RAX2: variants seen among roughly 807,000 people sequenced by gnomAD.
RAX2 encodes retina and anterior neural fold homeobox 2.
RAX2 carries 4 observed loss-of-function variants against 5.8 expected under a neutral mutation model. The observed-to-expected ratio is 0.69, with a 90% CI of 0.34 to 1.58. The LOEUF is 1.58. Among genes scored for constraint, RAX2 ranks in the 40% most tolerant of loss-of-function variants. The probability of loss-of-function intolerance (pLI) is 0.05; values close to 1 mark genes in which losing one functional copy is unlikely to be tolerated. For synonymous variants in RAX2, 133 were observed against 128.8 expected (o/e 1.03, Z -0.22); for missense variants, 275 against 271.4 (o/e 1.01, Z -0.09).
At position 3,769,469 on chromosome 19, in the gene RAX2, G is replaced by A. The variant is rs1413091180; in HGVS notation, c.*1152C>T. On this transcript the variant is annotated 3_prime_UTR_variant, in exon 3 of 3. Coordinates refer to ENST00000555633, the MANE Select transcript of RAX2 (RefSeq NM_001319074.4). Reference sequence around the variant, plus strand: ...CTGGTGTGCGGTGACATTGGGTGATGGCGGGGCGTTGGACCACAGGACTGG... The same window carrying A: ...CTGGTGTGCGGTGACATTGGGTGATAGCGGGGCGTTGGACCACAGGACTGG... 6.6e-6 allele frequency: 1 copy of A among 152,544 alleles called. No individual in the cohort carries two copies. Among genetic ancestry groups the A allele is most frequent in the Non-Finnish European group, 1.5e-5 (1 of 68,270 alleles). The allele number at this position is 152,544 out of a possible 1,614,324, so 9.4% of individuals were successfully genotyped here. A position where few individuals can be genotyped will look rare whatever the true frequency, so the allele number is the denominator to read the frequency against.
rs1349513777 is a variant in RAX2, at chr19:3,770,995, G to A, written c.217-36C>T. 6 of 1,469,478 alleles carry A rather than the reference G, an allele frequency of 4.1e-6. No individual in the cohort carries two copies. In the East Asian group the frequency reaches 1.5e-4, roughly 36 times the overall value. The allele number at this position is 1,469,478 out of a possible 1,614,324, so 91.0% of individuals were successfully genotyped here. Reference sequence around the variant, plus strand: ...CGAGAGGGAAGGGGGGTTGCTGTGAGCTCAGCCGCTCCCCGCCAATCCTCG... The same window carrying A: ...CGAGAGGGAAGGGGGGTTGCTGTGAACTCAGCCGCTCCCCGCCAATCCTCG... On this transcript the variant is annotated intron_variant, in intron 2 of 2. Transcript: ENST00000555633.
At position 3,772,163 on chromosome 19, in the gene RAX2, C is replaced by A. The variant is rs981516220; in HGVS notation, c.-269G>T. 1 of 461,486 alleles carries A rather than the reference C, an allele frequency of 2.2e-6. No homozygotes were observed. Among genetic ancestry groups the A allele is most frequent in the East Asian group, 6.7e-5 (1 of 14,884 alleles). The allele number at this position is 461,486 out of a possible 1,614,324, so 28.6% of individuals were successfully genotyped here. On this transcript the variant is annotated splice_region_variant and 5_prime_UTR_variant, in exon 1 of 3. Transcript: ENST00000555633. ...CCACCAGTGCCCACCCCGCACTCAC[C>A]GCCCACGGCAGCCCCTCCGTCGATT...
In RAX2 at chr19:3,771,709, C is replaced by T. The variant is rs538785333; in HGVS notation, c.34G>A (p.Glu12Lys). The T allele has an allele frequency of 1.3e-5, 21 of 1,609,836 alleles. No individual in the cohort carries two copies. The highest frequency in any genetic ancestry group is 3.3e-5 in the Admixed American group (2 of 59,906). ...TCGCCCGGCCCCAGACCCCCACCCT[C>T]GGTTGCCGGCCCCTCGCCCGGGCTC... The part of the protein sequence containing the change: ...FLSPGEGPAT[E>K]GGGLGPGEEA... Residue 12 changes from glutamate to lysine, a missense_variant, in exon 2 of 3, where the codon GAG becomes AAG. Glu to Lys is a moderately conservative substitution (Grantham distance 56). Transcript: ENST00000555633. This position sits in a 1 kb window ranked among gnomAD's most constrained non-coding sequence, Gnocchi z 4.2.
At position 3,770,940 on chromosome 19, in the gene RAX2, C is replaced by T. The variant is rs779301810; in HGVS notation, c.236G>A (p.Arg79Gln). The change falls in exon 3 of 3, where the codon CGG (arginine) becomes CAG (glutamine). Residue 79 changes from arginine (R) to glutamine (Q), a missense_variant. By Grantham distance (43) the Arg-to-Gln change is conservative (BLOSUM62 1). Coordinates refer to ENST00000555633, the MANE Select transcript of RAX2 (RefSeq NM_001319074.4). ...VRVQVWFQNRRAKWRRQERLE... is the reference protein window; with the variant it reads ...VRVQVWFQNRQAKWRRQERLE... ...CCGCTCCTGGCGGCGCCACTTGGCC[C>T]GGCGGTTCTGGAACCACACCTGGAG... is the stretch of plus-strand genomic sequence containing the variant. The T allele has an allele frequency of 4.5e-5, 71 of 1,562,120 alleles. No individual in the cohort carries two copies. The highest frequency in any genetic ancestry group is 4.8e-5 in the Non-Finnish European group (56 of 1,161,348).
Position 3,770,842 on chromosome 19 carries a change from G to T in RAX2, c.334C>A (p.Pro112Thr), listed in dbSNP as rs770022976. ...EAPALPFARPPAMSLPLEPWL... is the reference protein window; with the variant it reads ...EAPALPFARPTAMSLPLEPWL... ...GGCTCCAGGGGCAGCGACATGGCCG[G>T]GGGGCGGGCGAACGGCAGCGCTGGG... The change falls in exon 3 of 3, where the codon CCG becomes ACG. Residue 112 changes from proline to threonine, a missense_variant. Physicochemically the swap from Pro to Thr is conservative, Grantham distance 38 (BLOSUM62 -1). Coordinates refer to ENST00000555633, the MANE Select transcript of RAX2 (RefSeq NM_001319074.4). 34 of 1,527,702 alleles carry T rather than the reference G, an allele frequency of 2.2e-5. No individual in the cohort carries two copies. The highest frequency in any genetic ancestry group is 2.7e-5 in the Non-Finnish European group (31 of 1,142,890). The allele number at this position is 1,527,702 out of a possible 1,614,324, so 94.6% of individuals were successfully genotyped here. A position where few individuals can be genotyped will look rare whatever the true frequency, so the allele number is the denominator to read the frequency against.
In RAX2 at chr19:3,772,017, GT is replaced by G; in HGVS notation, c.-268-8del. ...TCTCTGTGACTGTCACGGCCTGTGT[GT>G]GTGTGTGTCGGCGGGGGGGGGTCAA... is the stretch of plus-strand genomic sequence containing the variant. On this transcript the variant is annotated splice_polypyrimidine_tract_variant and splice_region_variant and intron_variant, in intron 1 of 2. Coordinates refer to ENST00000555633, the MANE Select transcript of RAX2 (RefSeq NM_001319074.4). 1 of 552,192 alleles carries G rather than the reference GT, an allele frequency of 1.8e-6. No homozygotes were observed. The highest frequency in any genetic ancestry group is 2.0e-5 in the South Asian group (1 of 51,096). The allele number at this position is 552,192 out of a possible 1,614,324, so 34.2% of individuals were successfully genotyped here. A position where few individuals can be genotyped will look rare whatever the true frequency, so the allele number is the denominator to read the frequency against.
chr19:3,770,438 A>G lies in RAX2; in HGVS notation c.*183T>C, dbSNP rs1599185384. The stretch of plus-strand genomic sequence containing the variant: ...GCAGGACGGGTGGCGATGGGGTGGG[A>G]GACGGGATGGGGGCAGGGAACCCAG... On this transcript the variant is annotated 3_prime_UTR_variant, in exon 3 of 3. Transcript: ENST00000555633. 6.9e-6 allele frequency: 4 copies of G among 578,864 alleles called. No individual in the cohort carries two copies. The highest frequency in any genetic ancestry group is 9.0e-6 in the Non-Finnish European group (3 of 334,628). The allele number at this position is 578,864 out of a possible 1,614,324, so 35.9% of individuals were successfully genotyped here.
Position 3,770,527 on chromosome 19 carries a change from G to T in RAX2, c.*94C>A. On this transcript the variant is annotated 3_prime_UTR_variant, in exon 3 of 3. Transcript: ENST00000555633. ...CCTGGCCTGACCACGGTTGCTCCAT[G>T]ACCTCGGCCTAGGCCAAGGCGTGGT... 2.5e-6 allele frequency: 3 copies of T among 1,184,728 alleles called. No homozygotes were observed. The highest frequency in any genetic ancestry group is 3.5e-6 in the Non-Finnish European group (3 of 850,966). The allele number at this position is 1,184,728 out of a possible 1,614,324, so 73.4% of individuals were successfully genotyped here. A position where few individuals can be genotyped will look rare whatever the true frequency, so the allele number is the denominator to read the frequency against.
At position 3,770,936 on chromosome 19, in the gene RAX2, G is replaced by T; in HGVS notation, c.240C>A (p.Ala80=). Reference sequence around the variant, plus strand: ...CCAGCCGCTCCTGGCGGCGCCACTTGGCCCGGCGGTTCTGGAACCACACCT... The same window carrying T: ...CCAGCCGCTCCTGGCGGCGCCACTTTGCCCGGCGGTTCTGGAACCACACCT... The part of the protein sequence containing the change: ...RVQVWFQNRR[A]KWRRQERLES... The change falls in exon 3 of 3, where the codon GCC becomes GCA. Residue 80 remains alanine, a synonymous_variant. Transcript: ENST00000555633. 1 of 1,562,670 alleles carries T rather than the reference G, an allele frequency of 6.4e-7. No individual in the cohort carries two copies. Among genetic ancestry groups the T allele is most frequent in the East Asian group, 2.3e-5 (1 of 43,378 alleles).
rs147235958 is a variant in RAX2, at chr19:3,770,174, G to A, written c.*447C>T. 1.2e-4 allele frequency: 21 copies of A among 174,258 alleles called. No homozygotes were observed. Among genetic ancestry groups the A allele is most frequent in the African/African-American group, 4.5e-4 (19 of 42,058 alleles). The allele number at this position is 174,258 out of a possible 1,614,324, so 10.8% of individuals were successfully genotyped here. A position where few individuals can be genotyped will look rare whatever the true frequency, so the allele number is the denominator to read the frequency against. The stretch of plus-strand genomic sequence containing the variant: ...GCTATTTGTTATTTCCAGGGGACTG[G>A]GAGCCTGGAGAGTGGGCAGCTCTGC... On this transcript the variant is annotated 3_prime_UTR_variant, in exon 3 of 3. Transcript: ENST00000555633.
At position 3,772,164 on chromosome 19, in the gene RAX2, G is replaced by A. The variant is rs776666200; in HGVS notation, c.-270C>T. The stretch of plus-strand genomic sequence containing the variant: ...CACCAGTGCCCACCCCGCACTCACC[G>A]CCCACGGCAGCCCCTCCGTCGATTT... On this transcript the variant is annotated splice_region_variant and 5_prime_UTR_variant, in exon 1 of 3. Coordinates refer to ENST00000555633, the MANE Select transcript of RAX2 (RefSeq NM_001319074.4). The A allele has an allele frequency of 2.6e-3, 1,194 of 458,250 alleles. 6 individuals are homozygous for A. Among genetic ancestry groups the A allele is most frequent in the Non-Finnish European group, 3.4e-3 (784 of 230,444 alleles). The allele number at this position is 458,250 out of a possible 1,614,324, so 28.4% of individuals were successfully genotyped here.
In RAX2 at chr19:3,770,583, G is replaced by A. The variant is rs1026466064; in HGVS notation, c.*38C>T. 1.1e-5 allele frequency: 17 copies of A among 1,514,982 alleles called. No homozygotes were observed. The highest frequency in any genetic ancestry group is 2.3e-4 in the Middle Eastern group (1 of 4,390). The allele number at this position is 1,514,982 out of a possible 1,614,324, so 93.8% of individuals were successfully genotyped here. ...TCACCAGGGCACGTCCCCGGTTCTC[G>A]GGTTGGGCCGAGGAGGGGGCCCGGG... On this transcript the variant is annotated 3_prime_UTR_variant, in exon 3 of 3. Coordinates refer to ENST00000555633, the MANE Select transcript of RAX2 (RefSeq NM_001319074.4).
In RAX2 at chr19:3,770,415, AGGACGGGT is replaced by A; in HGVS notation, c.*198_*205del. The A allele has an allele frequency of 1.8e-6, 1 of 560,726 alleles. No individual in the cohort carries two copies. The highest frequency in any genetic ancestry group is 2.2e-5 in the South Asian group (1 of 44,986). The allele number at this position is 560,726 out of a possible 1,614,324, so 34.7% of individuals were successfully genotyped here. A position where few individuals can be genotyped will look rare whatever the true frequency, so the allele number is the denominator to read the frequency against. On this transcript the variant is annotated 3_prime_UTR_variant, in exon 3 of 3. Transcript: ENST00000555633. ...CACTGGGGGCCAGTCCGCTGCCAGC[AGGACGGGT>A]GGCGATGGGGTGGGAGACGGGATGG...
In RAX2 at chr19:3,769,288, G is replaced by A. The variant is rs1397971978; in HGVS notation, c.*1333C>T. The A allele has an allele frequency of 6.6e-6, 1 of 152,160 alleles. No individual in the cohort carries two copies. Among genetic ancestry groups the A allele is most frequent in the East Asian group, 1.9e-4 (1 of 5,188 alleles). 9.4% of individuals were successfully genotyped at this position (152,160 alleles called of 1,614,324 possible). A position where few individuals can be genotyped will look rare whatever the true frequency, so the allele number is the denominator to read the frequency against. ...GGCACATTTTAAAAACGTTTGTGGAGATGGGGTCTTGCTGTGTCACCCAGG... is the reference window on the plus strand; with the variant it reads ...GGCACATTTTAAAAACGTTTGTGGAAATGGGGTCTTGCTGTGTCACCCAGG... On this transcript the variant is annotated 3_prime_UTR_variant, in exon 3 of 3. Coordinates refer to ENST00000555633, the MANE Select transcript of RAX2 (RefSeq NM_001319074.4).
Position 3,771,055 on chromosome 19 carries a change from G to T in RAX2, c.217-96C>A. ...TGCACACCCCAGCCCTGGGGGTTCT[G>T]ACTCCCGTCTGACCCGACTCCTACC... is the stretch of plus-strand genomic sequence containing the variant. On this transcript the variant is annotated intron_variant, in intron 2 of 2. Transcript: ENST00000555633. The surrounding 1 kb of genome is among the most constrained non-coding windows in gnomAD (Gnocchi z 4.2). 2 of 963,552 alleles carry T rather than the reference G, an allele frequency of 2.1e-6. No individual in the cohort carries two copies. Among genetic ancestry groups the T allele is most frequent in the South Asian group, 1.4e-5 (1 of 71,752 alleles). 59.7% of individuals were successfully genotyped at this position (963,552 alleles called of 1,614,324 possible).
chr19:3,771,909 C>A lies in RAX2; in HGVS notation c.-167G>T, dbSNP rs546385357. 18 of 1,338,252 alleles carry A rather than the reference C, an allele frequency of 1.3e-5. No individual in the cohort carries two copies. In the East Asian group the frequency reaches 4.3e-4, roughly 32 times the overall value. 82.9% of individuals were successfully genotyped at this position (1,338,252 alleles called of 1,614,324 possible). A position where few individuals can be genotyped will look rare whatever the true frequency, so the allele number is the denominator to read the frequency against. ...CTCTGCATCCCCAGGCTGTCCTCCT[C>A]GGGCTTGGGGGGGTCTCCTGCTGTG... On this transcript the variant is annotated 5_prime_UTR_variant, in exon 2 of 3. Transcript: ENST00000555633. The surrounding 1 kb of genome is among the most constrained non-coding windows in gnomAD (Gnocchi z 4.2).
Position 3,771,011 on chromosome 19 carries a change from C to T in RAX2, c.217-52G>A. On this transcript the variant is annotated intron_variant, in intron 2 of 2. Transcript: ENST00000555633. This position sits in a 1 kb window ranked among gnomAD's most constrained non-coding sequence, Gnocchi z 4.2. ...TTGCTGTGAGCTCAGCCGCTCCCCG[C>T]CAATCCTCGGACCCCCTCTGCACAC... 7.1e-7 allele frequency: 1 copy of T among 1,409,778 alleles called. No individual in the cohort carries two copies. The highest frequency in any genetic ancestry group is 9.7e-7 in the Non-Finnish European group (1 of 1,033,686). 87.3% of individuals were successfully genotyped at this position (1,409,778 alleles called of 1,614,324 possible).
At position 3,770,759 on chromosome 19, in the gene RAX2, GC is replaced by G. The variant is rs1328132335; in HGVS notation, c.416del (p.Gly139AlafsTer75). The G allele has an allele frequency of 5.2e-6, 8 of 1,529,864 alleles. No individual in the cohort carries two copies. The highest frequency in any genetic ancestry group is 7.0e-6 in the Non-Finnish European group (8 of 1,144,172). The allele number at this position is 1,529,864 out of a possible 1,614,324, so 94.8% of individuals were successfully genotyped here. The part of the protein sequence containing the change: ...VPGLPRLLGP[G>X]PGLQASFGPH... ...GCCCGAAGGACGCTTGCAGCCCCGG[GC>G]CCGGGCCCAGGAGGCGGGGGAGGCC... On this transcript the variant is annotated frameshift_variant, in exon 3 of 3. Coordinates refer to ENST00000555633, the MANE Select transcript of RAX2 (RefSeq NM_001319074.4). LOFTEE classifies it low-confidence loss of function (END_TRUNC).
chr19:3,770,252 G>A lies in RAX2; in HGVS notation c.*369C>T, dbSNP rs543676430. The A allele has an allele frequency of 3.9e-5, 12 of 306,490 alleles. No individual in the cohort carries two copies. Among genetic ancestry groups the A allele is most frequent in the African/African-American group, 2.0e-4 (9 of 45,120 alleles). The allele number at this position is 306,490 out of a possible 1,614,324, so 19.0% of individuals were successfully genotyped here. ...TTTACACTCATCTTACAGAGTCAGCGGTCCCGCCACCCACAGCCTCGCAGC... is the reference window on the plus strand; with the variant it reads ...TTTACACTCATCTTACAGAGTCAGCAGTCCCGCCACCCACAGCCTCGCAGC... On this transcript the variant is annotated 3_prime_UTR_variant, in exon 3 of 3. Coordinates refer to ENST00000555633, the MANE Select transcript of RAX2 (RefSeq NM_001319074.4).
Sources: allele counts gnomAD v4.1 joint callset, GRCh38; gene constraint gnomAD v4.1.1; non-coding constraint Gnocchi (gnomAD v3.1); transcripts MANE v1.5; gene names NCBI Gene and HGNC (gene_info 2026-07-23, HGNC 2026-07-21).